Variants in IWS1 observed in about 807,000 individuals in gnomAD.
IWS1 encodes the protein protein IWS1 homolog.
IWS1 carries 27 observed loss-of-function variants against 86.7 expected under a neutral mutation model. That is an observed-to-expected ratio of 0.31 (90% confidence interval 0.23 to 0.43). IWS1 has a LOEUF of 0.43. IWS1 is among the 20% of genes least tolerant of loss of function. IWS1 has a pLI of 1.00. For missense variants in IWS1, 827 were observed against 1,000.8 expected, an observed-to-expected ratio of 0.83 and a Z score of 2.34; for synonymous variants, 313 against 335.1, an observed-to-expected ratio of 0.93 and a Z score of 0.72.
At chr2:127,502,607 C>G (rs1280353937) in intron 5 of IWS1, 2 of 372,912 alleles carry the variant, frequency 5.4e-6, no homozygotes, top group East Asian at 4.0e-5. Flanking sequence ...TCCCTTCCCC[C>G]TTAATTCAAT....
rs763687905 is a variant in IWS1 at position 127,505,011 on chromosome 2, G to C, written c.892C>G (p.Arg298Gly). The C allele has an allele frequency of 1.2e-6, 2 of 1,613,504 alleles. No individual in the cohort carries two copies. Among genetic ancestry groups the C allele is most frequent in the Admixed American group, 1.7e-5 (1 of 59,900 alleles). Residue 298 changes from arginine (R) to glycine (G), a missense_variant, in exon 3 of 14, where the codon CGA becomes GGA. Physicochemically the swap from Arg to Gly is moderately radical, Grantham distance 125 (BLOSUM62 -2). Coordinates refer to ENST00000295321, the MANE Select transcript of IWS1 (RefSeq NM_017969.3). This position sits in a 1 kb window ranked among gnomAD's most constrained non-coding sequence, Gnocchi z 5.0. The part of the protein sequence containing the change: ...DSENEELPKP[R>G]VSDSESEGPQ... ...CCCTCACTCTCAGAGTCACTGACTC[G>C]GGGTTTGGGTAGCTCCTCATTTTCC...
Position 127,489,688 on chromosome 2 carries a change from A to C in IWS1, c.2159+144T>G, listed in dbSNP as rs1246672470. 1.5e-6 allele frequency: 1 copy of C among 658,448 alleles called. No individual in the cohort carries two copies. The highest frequency in any genetic ancestry group is 2.7e-6 in the Non-Finnish European group (1 of 365,416). The allele number at this position is 658,448 out of a possible 1,614,324, so 40.8% of individuals were successfully genotyped here. A position where few individuals can be genotyped will look rare whatever the true frequency, so the allele number is the denominator to read the frequency against. On this transcript the variant is annotated intron_variant, in intron 11 of 13. Coordinates refer to ENST00000295321, the MANE Select transcript of IWS1 (RefSeq NM_017969.3). This position sits in a 1 kb window ranked among gnomAD's most constrained non-coding sequence, Gnocchi z 4.8. ...CTATACACTATCACATTTAAACTAA[A>C]AGGATATTATGAATTATGTACACAT... is the stretch of plus-strand genomic sequence containing the variant.
chr2:127,489,937 C>T lies in IWS1; in HGVS notation c.2054G>A (p.Trp685Ter). 6.5e-7 allele frequency: 1 copy of T among 1,547,622 alleles called. No homozygotes were observed. Residue 685 changes from tryptophan (W) to a stop codon, truncating the protein, a stop_gained, in exon 11 of 14, where the codon TGG becomes TAG. Coordinates refer to ENST00000295321, the MANE Select transcript of IWS1 (RefSeq NM_017969.3). LOFTEE classifies it high-confidence loss of function. The surrounding 1 kb of genome is among the most constrained non-coding windows in gnomAD (Gnocchi z 4.8). ...KDMAGKLINE[W>*]SRPIFGLTSN... ...GGTAAGACCAAATATAGGCCTAGAC[C>T]ACTCATCTGTAGTAAGAAAAAAATC...
At chr2:127,524,418 T>C (rs2104751203) in intron 1 of IWS1, among the ~76,000 whole-genome samples, 1 of 152,254 alleles carries the variant, frequency 6.6e-6, no homozygotes, top group Admixed American at 6.5e-5. Flanking sequence ...CTCAAACTCC[T>C]GGCCTCAAGC....
At position 127,505,132 on chromosome 2, in the gene IWS1, C is replaced by T. The variant is rs367618034; in HGVS notation, c.771G>A (p.Arg257=). The change falls in exon 3 of 14, where the codon AGG becomes AGA. Residue 257 remains arginine, a synonymous_variant. Coordinates refer to ENST00000295321, the MANE Select transcript of IWS1 (RefSeq NM_017969.3). The surrounding 1 kb of genome is among the most constrained non-coding windows in gnomAD (Gnocchi z 5.0). The part of the protein sequence containing the change: ...ISDSESEDPP[R]HQASDSENEE... Reference sequence around the variant, plus strand: ...CATTTTCTGAGTCACTGGCCTGGTGCCTCGGAGGGTCCTCACTTTCTGAGT... The same window carrying T: ...CATTTTCTGAGTCACTGGCCTGGTGTCTCGGAGGGTCCTCACTTTCTGAGT... The T allele has an allele frequency of 6.2e-6, 10 of 1,610,784 alleles. No homozygotes were observed. The highest frequency in any genetic ancestry group is 1.3e-5 in the African/African-American group (1 of 74,736).
At chr2:127,510,823 C>A (rs1046160708) in intron 2 of IWS1, among the ~76,000 whole-genome samples, 5 of 152,222 alleles carry the variant, frequency 3.3e-5, no homozygotes, top group African/African-American at 1.2e-4. Flanking sequence ...CACTCACCAT[C>A]AACCCTATGT....
intron 2 of IWS1, among the ~76,000 whole-genome samples, chr2:127,508,634 T>C (rs1323668448): frequency 6.6e-6 from 1 of 152,260 alleles, no homozygotes; most frequent in Non-Finnish European, 1.5e-5. Flanking sequence ...TCAAAGTCAG[T>C]TGAATGACTA....
intron 6 of IWS1, among the ~76,000 whole-genome samples, chr2:127,497,239 T>G (rs11681225): frequency 0.14 from 20,731 of 152,242 alleles, 1,718 homozygotes; most frequent in South Asian, 0.3. Flanking sequence ...CCCGGAACTT[T>G]TCATGCACTA....
chr2:127,481,451 G>T (rs1317646951), intron 13 of IWS1, among the ~76,000 whole-genome samples: 1 of 151,810 alleles, frequency 6.6e-6, no homozygotes, highest in Non-Finnish European at 1.5e-5. Flanking sequence ...AAGGGGGGGG[G>T]AAACTGAGAC....
chr2:127,491,188 G>A (rs1690209134), intron 10 of IWS1, among the ~76,000 whole-genome samples: 2 of 152,226 alleles, frequency 1.3e-5, no homozygotes, highest in Non-Finnish European at 1.5e-5. Context: ...AACAATGGCT[G>A]TTTCTTGAGT....
At chr2:127,511,281 C>G (rs921836026) in intron 2 of IWS1, 2 of 152,180 alleles carry the variant, frequency 1.3e-5, no homozygotes, top group Non-Finnish European at 2.9e-5. Flanking sequence ...ACTATGTGAT[C>G]AAAGGACATT....
chr2:127,490,011 ACCC>A (rs1370222533), intron 10 of IWS1, 68 bp from the exon 11 acceptor site: 1 of 844,712 alleles, frequency 1.2e-6, no homozygotes, highest in African/African-American at 1.7e-5. Flanking sequence ...AAATAATTGC[ACCC>A]CAGTGTGAGG....
chr2:127,496,550 T>TACACACACACACACACACACAC (rs36048775), intron 6 of IWS1, among the ~76,000 whole-genome samples: 4 of 140,426 alleles, frequency 2.8e-5, no homozygotes, highest in East Asian at 4.3e-4. Flanking sequence ...TATTTTATCA[T>TACACACACACACACACACACAC]ACACACACAC....
chr2:127,489,315 T>A lies in IWS1; in HGVS notation c.2160-80A>T, dbSNP rs946321229. 1.0e-6 allele frequency: 1 copy of A among 983,820 alleles called. No homozygotes were observed. The allele number at this position is 983,820 out of a possible 1,614,324, so 60.9% of individuals were successfully genotyped here. The stretch of plus-strand genomic sequence containing the variant: ...AAAAAGAGCAAACTAAAAATCAAAC[T>A]TAGACCATAACTATTAATAGCTCTT... On this transcript the variant is annotated intron_variant, in intron 11 of 13. Coordinates refer to ENST00000295321, the MANE Select transcript of IWS1 (RefSeq NM_017969.3). This position sits in a 1 kb window ranked among gnomAD's most constrained non-coding sequence, Gnocchi z 4.8.
At chr2:127,524,891 GTTTTTGT>G in intron 1 of IWS1, among the ~76,000 whole-genome samples, 1 of 129,418 alleles carries the variant, frequency 7.7e-6, no homozygotes, top group Admixed American at 7.4e-5. Flanking sequence ...TTTTGTTTTT[GTTTTTGT>G]TTTTTTTGAG....
At chr2:127,482,533 T>C (rs1428793254) in intron 13 of IWS1, 2 of 152,214 alleles carry the variant, frequency 1.3e-5, no homozygotes, top group African/African-American at 4.8e-5. Context: ...GCCGTGATCT[T>C]AGTACTTGTA....
intron 2 of IWS1, among the ~76,000 whole-genome samples, chr2:127,511,949 G>C (rs1040021303): frequency 1.3e-5 from 2 of 148,792 alleles, no homozygotes; most frequent in African/African-American, 2.6e-5. Context: ...ATCCAAACAA[G>C]AGCAGACTTT....
At chr2:127,513,724 TTC>T (rs1159158642) in intron 2 of IWS1, among the ~76,000 whole-genome samples, 2 of 112,640 alleles carry the variant, frequency 1.8e-5, no homozygotes, top group South Asian at 3.0e-4. Context: ...CCAAATTATT[TTC>T]TTTTTTATTT....
intron 3 of IWS1, 118 bp from the exon 4 acceptor site, chr2:127,503,694 AAATAAAT>A (rs940095072): frequency 1.7e-5 from 6 of 357,352 alleles, no homozygotes; most frequent in African/African-American, 1.3e-4. Flanking sequence ...ATAAATAAAT[AAATAAAT>A]AAATAAAATA....
Sources: allele counts gnomAD v4.1 joint callset (sites outside exome capture counted in the v4.1 genomes callset), GRCh38; gene constraint gnomAD v4.1.1; non-coding constraint Gnocchi (gnomAD v3.1); transcripts MANE v1.5; gene names NCBI Gene and HGNC (gene_info 2026-07-23, HGNC 2026-07-21).